PAX8: variants seen among roughly 807,000 people sequenced by gnomAD.
PAX8 encodes paired box protein Pax-8.
A neutral mutation model predicts 52.4 loss-of-function variants in PAX8; 15 were observed. The observed-to-expected ratio is 0.29, with a 90% confidence interval of 0.19 to 0.44. PAX8 has a LOEUF of 0.44. Ranked by LOEUF, PAX8 falls within the 20% of genes least tolerant of loss-of-function variation. PAX8 has a pLI of 1.00. For missense variants in PAX8, 554 were observed against 602.5 expected (o/e 0.92, Z 0.84); for synonymous variants, 284 against 249.7 (o/e 1.14, Z -1.29).
chr2:113,241,878 G>T (rs1442592436), intron 6 of PAX8, 130 bp downstream of exon 6: 2 of 1,414,784 alleles, frequency 1.4e-6, no homozygotes, highest in African/African-American at 1.4e-5. Flanking sequence ...CTGAGGGACA[G>T]GACATGTGAC....
chr2:113,278,750 A>G (rs923124012), intron 1 of PAX8, 81 bp downstream of exon 1: 1 of 719,482 alleles, frequency 1.4e-6, no homozygotes. Context: ...AAAGGCTGCC[A>G]GGCATCCTGG....
chr2:113,244,629 T>TC lies in PAX8; in HGVS notation c.192-6dup. On this transcript the variant is annotated splice_region_variant and splice_polypyrimidine_tract_variant and intron_variant, in intron 3 of 11. Coordinates refer to ENST00000429538, the MANE Select transcript of PAX8 (RefSeq NM_003466.4). ...ATGCTGCCAGTCTCGTAGTACCTACTCCAATAGAGAATCCCAAAGAATTAC... is the reference window on the plus strand; with the variant it reads ...ATGCTGCCAGTCTCGTAGTACCTACTCCCAATAGAGAATCCCAAAGAATTAC... 1 of 1,613,770 alleles carries TC rather than the reference T, an allele frequency of 6.2e-7. No individual in the cohort carries two copies. The highest frequency in any genetic ancestry group is 8.5e-7 in the Non-Finnish European group (1 of 1,179,692).
At chr2:113,252,145 A>G (rs1481610151) in intron 2 of PAX8, among the ~76,000 whole-genome samples, 3 of 152,204 alleles carry the variant, frequency 2.0e-5, no homozygotes, top group Admixed American at 6.5e-5. Context: ...ATTTCCACTT[A>G]ACTATCTGGG....
chr2:113,269,084 A>G (rs1193615363), intron 2 of PAX8: 1 of 152,248 alleles, frequency 6.6e-6, no homozygotes, highest in East Asian at 1.9e-4. Context: ...TGCCAAAGAG[A>G]TGTAAGGCCT....
chr2:113,228,099 C>A (rs1263372221), intron 9 of PAX8, among the ~76,000 whole-genome samples: 1 of 152,194 alleles, frequency 6.6e-6, no homozygotes, highest in Non-Finnish European at 1.5e-5. Flanking sequence ...TCCTCTACAT[C>A]GAGAAATCAC....
intron 7 of PAX8, 115 bp from the exon 8 acceptor site, chr2:113,236,836 C>G: frequency 8.1e-7 from 1 of 1,232,232 alleles, no homozygotes; most frequent in Non-Finnish European, 1.1e-6. Flanking sequence ...GAGAGGTCCT[C>G]ATCGCCCCCT....
chr2:113,224,839 TATAAAATAAA>T (rs56177103), intron 10 of PAX8, among the ~76,000 whole-genome samples: 3,577 of 143,580 alleles, frequency 0.025, 61 homozygotes, highest in African/African-American at 0.047. Context: ...TAAAATAAAA[TATAAAATAAA>T]ATAAAATAAA....
chr2:113,235,292 G>A (rs1373906725), intron 9 of PAX8, 102 bp downstream of exon 9: 3 of 960,864 alleles, frequency 3.1e-6, no homozygotes, highest in Non-Finnish European at 4.6e-6. Flanking sequence ...CAGGGTGGGG[G>A]TGGATGAGAC....
Position 113,246,740 on chromosome 2 carries a change from A to G in PAX8, c.191+14T>C. On this transcript the variant is annotated intron_variant, in intron 3 of 11. Coordinates refer to ENST00000429538, the MANE Select transcript of PAX8 (RefSeq NM_003466.4). ...CCTGCGGGGAAGGCGGCCTGCGGTG[A>G]ATTTCGTGCTTACCTGCCAAGGATC... is the stretch of plus-strand genomic sequence containing the variant. 4 of 1,609,430 alleles carry G rather than the reference A, an allele frequency of 2.5e-6. No individual in the cohort carries two copies. Among genetic ancestry groups the G allele is most frequent in the Non-Finnish European group, 3.4e-6 (4 of 1,176,840 alleles).
chr2:113,276,458 C>G (rs1693819725), intron 2 of PAX8: 1 of 152,164 alleles, frequency 6.6e-6, no homozygotes, highest in Non-Finnish European at 1.5e-5. Context: ...AAAAAATTAC[C>G]TGGTAGGTCC....
chr2:113,224,318 G>A (rs1418870861), intron 10 of PAX8, among the ~76,000 whole-genome samples: 2 of 152,098 alleles, frequency 1.3e-5, no homozygotes, highest in African/African-American at 4.8e-5. Context: ...AGGCCAAGGC[G>A]GGCAGATTGC....
At chr2:113,272,624 G>GT (rs1693536601) in intron 2 of PAX8, 1 of 152,218 alleles carries the variant, frequency 6.6e-6, no homozygotes, top group Non-Finnish European at 1.5e-5. Context: ...GGAGCCAAGA[G>GT]ACTCCTGGAT....
At chr2:113,247,013 G>T in intron 2 of PAX8, 94 bp from the exon 3 acceptor site, 3 of 1,179,070 alleles carry the variant, frequency 2.5e-6, no homozygotes, top group South Asian at 1.3e-5. Flanking sequence ...GTGTGTGTGT[G>T]TGTTTGACTG....
intron 10 of PAX8, chr2:113,226,915 G>T: frequency 7.1e-7 from 1 of 1,415,222 alleles, no homozygotes; most frequent in East Asian, 2.8e-5. Context: ...TCATCATGGA[G>T]GGTAATGTAG....
intron 9 of PAX8, among the ~76,000 whole-genome samples, chr2:113,229,422 C>T (rs578004781): frequency 6.6e-6 from 1 of 152,230 alleles, no homozygotes; most frequent in Non-Finnish European, 1.5e-5. Flanking sequence ...CCAGTGAACT[C>T]CTACAGAATA....
chr2:113,236,574 C>T (rs1558703453), intron 8 of PAX8, 27 bp downstream of exon 8: 2 of 1,550,282 alleles, frequency 1.3e-6, no homozygotes, highest in Non-Finnish European at 1.7e-6. Flanking sequence ...CGCCCTCCAC[C>T]TGCCAGGGAG....
At chr2:113,235,871 G>A in intron 8 of PAX8, 1 of 446,444 alleles carries the variant, frequency 2.2e-6, no homozygotes, top group Admixed American at 4.0e-5. Context: ...GAGCGGCCTA[G>A]GACCGGAGGC....
intron 3 of PAX8, among the ~76,000 whole-genome samples, chr2:113,246,543 A>G (rs1423180727): frequency 6.6e-6 from 1 of 152,186 alleles, no homozygotes; most frequent in Non-Finnish European, 1.5e-5. Context: ...TAAATGGACA[A>G]AGAAAGAAGG....
chr2:113,269,928 AG>A (rs1436711999), intron 2 of PAX8: 1 of 152,200 alleles, frequency 6.6e-6, no homozygotes, highest in Non-Finnish European at 1.5e-5. Flanking sequence ...CACAGTCCAC[AG>A]ACAGCCATTC....
Sources: gnomAD v4.1 joint callset for allele counts (sites outside exome capture counted in the v4.1 genomes callset) on GRCh38, gnomAD v4.1.1 for gene constraint, MANE v1.5 for transcripts, NCBI Gene and HGNC (gene_info 2026-07-23, HGNC 2026-07-21) for gene names.